Variants in INPP4B observed in about 807,000 individuals in gnomAD.
The protein encoded by INPP4B is inositol polyphosphate-4-phosphatase type II B, also known as inositol polyphosphate 4-phosphatase type II.
In INPP4B, 55 loss-of-function variants were observed where a neutral mutation model predicts 122.5. The ratio of observed to expected loss-of-function variants is 0.45; its 90% confidence interval spans 0.36 to 0.56. The LOEUF is 0.56. Ranked by LOEUF, INPP4B falls within the 20% of genes least tolerant of loss-of-function variation. The probability of loss-of-function intolerance (pLI) is 0.00; values close to 1 mark genes in which losing one functional copy is unlikely to be tolerated. For missense variants in INPP4B, 1,000 were observed against 1,097.7 expected (o/e 0.91, Z 1.26); for synonymous variants, 403 against 388.7 (o/e 1.04, Z -0.43).
intron 7 of INPP4B, among the ~76,000 whole-genome samples, chr4:142,324,715 T>C (rs1324858030): frequency 6.6e-6 from 1 of 152,146 alleles, no homozygotes; most frequent in African/African-American, 2.4e-5. Context: ...AGGGCATCTC[T>C]TGCCTGTTGT....
At chr4:142,387,516 T>C (rs1257165108) in intron 7 of INPP4B, among the ~76,000 whole-genome samples, 2 of 151,678 alleles carry the variant, frequency 1.3e-5, no homozygotes, top group African/African-American at 4.8e-5. Flanking sequence ...AGATTTTCTT[T>C]TGTGTTGCGT....
rs1580519605 is a variant in INPP4B, at chr4:142,619,189, A to G, written c.-191+106650T>C. 5.9e-5 allele frequency among the ~76,000 whole-genome samples: 9 copies of G among 152,176 alleles called. No individual in the cohort carries two copies. The South Asian group carries it at 1.9e-3, about 32-fold the overall frequency. ...AAACAGTATGGAGATTCCTAAAAAA[A>G]AAAATTAAAAATAGAAATACTATAT... On this transcript the variant is annotated intron_variant, in intron 2 of 25. Transcript: ENST00000262992.
chr4:142,797,556 C>G (rs1166781253), intron 1 of INPP4B, among the ~76,000 whole-genome samples: 2 of 151,804 alleles, frequency 1.3e-5, no homozygotes, highest in African/African-American at 4.8e-5. Flanking sequence ...TATTTGGAAT[C>G]ATCAAATTTC....
intron 16 of INPP4B, among the ~76,000 whole-genome samples, chr4:142,169,191 T>A (rs564829796): frequency 1.8e-4 from 27 of 151,738 alleles, no homozygotes; most frequent in African/African-American, 6.5e-4. Context: ...GTATACTATC[T>A]CTTATTTCAC....
At chr4:142,136,240 T>C (rs1483232456) in intron 18 of INPP4B, among the ~76,000 whole-genome samples, 2 of 152,144 alleles carry the variant, frequency 1.3e-5, no homozygotes, top group African/African-American at 2.4e-5. Flanking sequence ...GAAGTGATCA[T>C]TGGGCTGGCG....
intron 2 of INPP4B, among the ~76,000 whole-genome samples, chr4:142,495,302 T>A (rs1404201448): frequency 6.6e-6 from 1 of 152,082 alleles, no homozygotes; most frequent in Non-Finnish European, 1.5e-5. Context: ...TTCTCAAATC[T>A]AATCGGTTTT....
chr4:142,756,270 G>A (rs1770506520), intron 1 of INPP4B, among the ~76,000 whole-genome samples: 1 of 152,008 alleles, frequency 6.6e-6, no homozygotes, highest in Non-Finnish European at 1.5e-5. Flanking sequence ...TGCTGAAGAT[G>A]GCAGAGTAGA....
chr4:142,746,000 C>T (rs919466305), intron 1 of INPP4B, among the ~76,000 whole-genome samples: 1 of 151,814 alleles, frequency 6.6e-6, no homozygotes, highest in African/African-American at 2.4e-5. Flanking sequence ...TAATACCACT[C>T]TCTCAGTAAT....
chr4:142,318,904 C>T (rs1341954628), intron 7 of INPP4B, among the ~76,000 whole-genome samples: 2 of 152,192 alleles, frequency 1.3e-5, no homozygotes, highest in Non-Finnish European at 2.9e-5. Flanking sequence ...ACCAATACAG[C>T]AGTGGAACAT....
chr4:142,386,065 C>T (rs1271435567), intron 7 of INPP4B, among the ~76,000 whole-genome samples: 1 of 152,096 alleles, frequency 6.6e-6, no homozygotes, highest in Admixed American at 6.6e-5. Flanking sequence ...GTCTGAAAAA[C>T]ACTATCTTCT....
At chr4:142,176,432 A>C (rs970626621) in intron 15 of INPP4B, among the ~76,000 whole-genome samples, 1 of 151,338 alleles carries the variant, frequency 6.6e-6, no homozygotes, top group Admixed American at 6.6e-5. Flanking sequence ...ATTCCATTTT[A>C]CTCCTATCAA....
intron 2 of INPP4B, among the ~76,000 whole-genome samples, chr4:142,605,939 T>C (rs1741152590): frequency 6.6e-6 from 1 of 152,034 alleles, no homozygotes; most frequent in African/African-American, 2.4e-5. Flanking sequence ...GAACTGCCTG[T>C]ACTTACATGT....
At chr4:142,302,368 G>A (rs908163438) in intron 9 of INPP4B, among the ~76,000 whole-genome samples, 9 of 152,136 alleles carry the variant, frequency 5.9e-5, no homozygotes, top group African/African-American at 2.4e-5. Flanking sequence ...TATGTGATAT[G>A]TGATATGAAT....
chr4:142,511,489 T>G (rs1824704961), intron 2 of INPP4B, among the ~76,000 whole-genome samples: 1 of 152,132 alleles, frequency 6.6e-6, no homozygotes. Context: ...CAGAACACAT[T>G]ACAGGTCGTG....
chr4:142,393,907 C>T (rs1049874211), intron 7 of INPP4B, among the ~76,000 whole-genome samples: 5 of 152,214 alleles, frequency 3.3e-5, no homozygotes, highest in Non-Finnish European at 4.4e-5. Flanking sequence ...GAATCTGCTG[C>T]GATTCTGGGG....
Position 142,124,569 on chromosome 4 carries a change from A to G in INPP4B, c.1893+19T>C, listed in dbSNP as rs1289500614. ...CAATCCGGCATTGTTTTGTACTAACAATAACAACAGGCACCTACTGCTTGG... is the reference window on the plus strand; with the variant it reads ...CAATCCGGCATTGTTTTGTACTAACGATAACAACAGGCACCTACTGCTTGG... On this transcript the variant is annotated intron_variant, in intron 19 of 25. Coordinates refer to ENST00000262992, the MANE Select transcript of INPP4B (RefSeq NM_001101669.3). The G allele has an allele frequency of 6.2e-7, 1 of 1,608,858 alleles. No homozygotes were observed. Among genetic ancestry groups the G allele is most frequent in the Non-Finnish European group, 8.5e-7 (1 of 1,175,614 alleles).
At chr4:142,364,164 A>G (rs1237885046) in intron 7 of INPP4B, among the ~76,000 whole-genome samples, 1 of 151,912 alleles carries the variant, frequency 6.6e-6, no homozygotes, top group Admixed American at 6.6e-5. Context: ...TTTTGCTTCA[A>G]AATGGTGATT....
chr4:142,735,733 C>A (rs935700136), intron 1 of INPP4B, among the ~76,000 whole-genome samples: 2 of 152,238 alleles, frequency 1.3e-5, no homozygotes, highest in South Asian at 4.2e-4. Context: ...AGAATGTATT[C>A]TTCTTACTGT....
chr4:142,243,121 C>T (rs1249151463), intron 11 of INPP4B, among the ~76,000 whole-genome samples: 1 of 152,136 alleles, frequency 6.6e-6, no homozygotes, highest in African/African-American at 2.4e-5. Context: ...CAAGAGAGAG[C>T]ACAGGGATCA....
Sources: gnomAD v4.1 joint callset for allele counts (sites outside exome capture counted in the v4.1 genomes callset) on GRCh38, gnomAD v4.1.1 for gene constraint, MANE v1.5 for transcripts, NCBI Gene and HGNC (gene_info 2026-07-23, HGNC 2026-07-21) for gene names.